The following KIF21B variants were observed in gnomAD, a reference collection of about 807,000 sequenced individuals.
The protein encoded by KIF21B is kinesin-like protein KIF21B.
In KIF21B, 85 loss-of-function variants were observed where a neutral mutation model predicts 192.9. The ratio of observed to expected loss-of-function variants is 0.44; its 90% CI spans 0.37 to 0.53. KIF21B has a LOEUF of 0.53. KIF21B is among the 20% of genes least tolerant of loss of function. The probability of loss-of-function intolerance (pLI) is 0.00; values close to 1 mark genes in which losing one functional copy is unlikely to be tolerated. For missense variants in KIF21B, 1,716 were observed against 2,194.8 expected, an observed-to-expected ratio of 0.78 and a Z score of 4.36; for synonymous variants, 832 against 884.6, an observed-to-expected ratio of 0.94 and a Z score of 1.05.
chr1:200,992,276 C>T lies in KIF21B; in HGVS notation c.2385+6G>A. ...GCTCCTGGGAGGCTCAAGGGCCACCCCTCACCTCCTGTCGCCGCTGCTCCT... is the reference window on the plus strand; with the variant it reads ...GCTCCTGGGAGGCTCAAGGGCCACCTCTCACCTCCTGTCGCCGCTGCTCCT... On this transcript the variant is annotated splice_donor_region_variant and intron_variant, in intron 16 of 34. Transcript: ENST00000461742. 1 of 1,610,448 alleles carries T rather than the reference C, an allele frequency of 6.2e-7. No individual in the cohort carries two copies. The highest frequency in any genetic ancestry group is 1.3e-5 in the African/African-American group (1 of 75,062).
chr1:201,008,715 T>C (rs1001843542), intron 3 of KIF21B, 54 bp downstream of exon 3: 4 of 1,487,164 alleles, frequency 2.7e-6, no homozygotes, highest in Non-Finnish European at 3.6e-6. Flanking sequence ...CCGGCTTCCA[T>C]GGTCCTGTTG....
At position 201,009,301 on chromosome 1, in the gene KIF21B, C is replaced by T. The variant is rs371235927; in HGVS notation, c.229G>A (p.Glu77Lys). ...CVSKLIEGCF[E>K]GYNATVLAYG... ...GCCAGCACCGTGGCATTATAGCCCT[C>T]GAAGCAGCCCTCGATGAGCTTGCTC... The change falls in exon 2 of 35, where the codon GAG becomes AAG. Residue 77 changes from glutamate to lysine, a missense_variant. Coordinates refer to ENST00000461742, the MANE Select transcript of KIF21B (RefSeq NM_001252102.2). 25 of 1,614,264 alleles carry T rather than the reference C, an allele frequency of 1.5e-5. No homozygotes were observed. Among genetic ancestry groups the T allele is most frequent in the Middle Eastern group, 1.6e-4 (1 of 6,062 alleles).
At position 200,975,760 on chromosome 1, in the gene KIF21B, G is replaced by A; in HGVS notation, c.4444-91C>T. ...GTGGACCCAGAGGCCTGAAGACCCA[G>A]GAGTCTGGCTAGGGTGACAGCCACT... is the stretch of plus-strand genomic sequence containing the variant. On this transcript the variant is annotated intron_variant, in intron 32 of 34. Coordinates refer to ENST00000461742, the MANE Select transcript of KIF21B (RefSeq NM_001252102.2). The surrounding 1 kb of genome is among the most constrained non-coding windows in gnomAD (Gnocchi z 4.3). 7.5e-7 allele frequency: 1 copy of A among 1,332,178 alleles called. No homozygotes were observed. Among genetic ancestry groups the A allele is most frequent in the Non-Finnish European group, 1.0e-6 (1 of 991,000 alleles). 82.5% of individuals were successfully genotyped at this position (1,332,178 alleles called of 1,614,324 possible).
chr1:201,003,526 G>T, intron 8 of KIF21B, 60 bp downstream of exon 8: 1 of 1,546,198 alleles, frequency 6.5e-7, no homozygotes, highest in South Asian at 1.1e-5. Flanking sequence ...CAGGGCAGAG[G>T]GTGCATATGG....
chr1:200,969,614 TGGGCA>T lies in KIF21B; in HGVS notation c.*3902_*3906del, dbSNP rs1557989061. On this transcript the variant is annotated 3_prime_UTR_variant, in exon 35 of 35. Coordinates refer to ENST00000461742, the MANE Select transcript of KIF21B (RefSeq NM_001252102.2). ...GACATGATTGCTAGAAAAGAGTTGG[TGGGCA>T]GGGCAGGGCCCTGATTCATCTCAGG... 1.3e-5 allele frequency: 2 copies of T among 152,626 alleles called. No homozygotes were observed. Among genetic ancestry groups the T allele is most frequent in the African/African-American group, 2.4e-5 (1 of 41,428 alleles). 9.5% of individuals were successfully genotyped at this position (152,626 alleles called of 1,614,324 possible). A position where few individuals can be genotyped will look rare whatever the true frequency, so the allele number is the denominator to read the frequency against.
rs371828904 is a variant in KIF21B, at chr1:201,000,348, C to T, written c.1685+42G>A. 1.2e-5 allele frequency: 18 copies of T among 1,510,540 alleles called. No homozygotes were observed. The highest frequency in any genetic ancestry group is 6.8e-5 in the East Asian group (3 of 44,244). The allele number at this position is 1,510,540 out of a possible 1,614,324, so 93.6% of individuals were successfully genotyped here. A position where few individuals can be genotyped will look rare whatever the true frequency, so the allele number is the denominator to read the frequency against. ...TGGGGACGGGCAGGGTCCACTGGGG[C>T]GGTCTGAGGGCTCTCAGGGGCGGGG... On this transcript the variant is annotated intron_variant, in intron 11 of 34. Transcript: ENST00000461742. The surrounding 1 kb of genome is among the most constrained non-coding windows in gnomAD (Gnocchi z 6.0).
intron 3 of KIF21B, 135 bp from the exon 4 acceptor site, chr1:201,005,829 A>G (rs1264401234): frequency 4.4e-6 from 4 of 910,030 alleles, no homozygotes; most frequent in Non-Finnish European, 6.7e-6. Context: ...TTTGAATCCC[A>G]TGACCTTTCT....
Position 200,975,692 on chromosome 1 carries a change from G to A in KIF21B, c.4444-23C>T. 6.3e-7 allele frequency: 1 copy of A among 1,591,440 alleles called. No individual in the cohort carries two copies. Among genetic ancestry groups the A allele is most frequent in the Non-Finnish European group, 8.6e-7 (1 of 1,166,276 alleles). The stretch of plus-strand genomic sequence containing the variant: ...CATCTGTGGGAGGAGGGGCCAGTAG[G>A]GAGAGGCCAAGTGGGAGGATGGAAG... On this transcript the variant is annotated intron_variant, in intron 32 of 34. Coordinates refer to ENST00000461742, the MANE Select transcript of KIF21B (RefSeq NM_001252102.2). This position sits in a 1 kb window ranked among gnomAD's most constrained non-coding sequence, Gnocchi z 4.3.
In KIF21B at chr1:200,998,172, A is replaced by G. The variant is rs573102485; in HGVS notation, c.2077+212T>C. On this transcript the variant is annotated intron_variant, in intron 14 of 34. Coordinates refer to ENST00000461742, the MANE Select transcript of KIF21B (RefSeq NM_001252102.2). This position sits in a 1 kb window ranked among gnomAD's most constrained non-coding sequence, Gnocchi z 4.3. Reference sequence around the variant, plus strand: ...GAATTCTAATACATGACGTGATAGCAAAGAAAAAAAATCAATTTACAATGT... The same window carrying G: ...GAATTCTAATACATGACGTGATAGCGAAGAAAAAAAATCAATTTACAATGT... Among the ~76,000 whole-genome samples, 1 of 152,238 alleles carries G rather than the reference A, an allele frequency of 6.6e-6. No individual in the cohort carries two copies. Among genetic ancestry groups the G allele is most frequent in the Admixed American group, 6.5e-5 (1 of 15,286 alleles).
chr1:200,989,851 G>T, intron 21 of KIF21B, 91 bp downstream of exon 21: 1 of 973,708 alleles, frequency 1.0e-6, no homozygotes, highest in East Asian at 2.5e-5. Flanking sequence ...CGCAGGTGAG[G>T]AGGCGCCAGG....
chr1:200,983,399 G>A (rs567434988), intron 27 of KIF21B, among the ~76,000 whole-genome samples: 1 of 152,218 alleles, frequency 6.6e-6, no homozygotes, highest in Admixed American at 6.5e-5. Flanking sequence ...CGTTTCCAGG[G>A]CTGTTTGCTG....
At position 201,009,483 on chromosome 1, in the gene KIF21B, C is replaced by T. The variant is rs1481800612; in HGVS notation, c.47G>A (p.Arg16Gln). The T allele has an allele frequency of 6.2e-7, 1 of 1,613,684 alleles. No individual in the cohort carries two copies. Among genetic ancestry groups the T allele is most frequent in the Non-Finnish European group, 8.5e-7 (1 of 1,179,820 alleles). ...DCCVKVAVRI[R>Q]PQLSKEKIEG... ...AATCTTCTCCTTCGACAGCTGGGGC[C>T]GGATCCTGCCCATGATGGAGAGAGC... The change falls in exon 2 of 35, where the codon CGG (arginine) becomes CAG (glutamine). Residue 16 changes from arginine (R) to glutamine (Q), a missense_variant. Arg to Gln is a conservative substitution (Grantham distance 43). Around this residue, in one of 3 missense-constraint regions of KIF21B, gnomAD observed 1,087 missense variants for 1,316.6 expected, o/e 0.83. Transcript: ENST00000461742.
intron 24 of KIF21B, 72 bp from the exon 25 acceptor site, chr1:200,987,273 T>A: frequency 7.0e-7 from 1 of 1,419,902 alleles, no homozygotes; most frequent in South Asian, 1.3e-5. Flanking sequence ...CAGGGGAAAT[T>A]CTATTTTTTT....
rs750120496 is a variant in KIF21B, at chr1:200,971,570, A to C, written c.*1951T>G. ...TTCAGGTTGGCGGGGAGGAGTGGGA[A>C]GAGATTTGTGGCCACATCTTAGAGC... On this transcript the variant is annotated 3_prime_UTR_variant, in exon 35 of 35. Transcript: ENST00000461742. The C allele has an allele frequency of 2.0e-5, 3 of 152,362 alleles. No individual in the cohort carries two copies. Among genetic ancestry groups the C allele is most frequent in the Non-Finnish European group, 2.9e-5 (2 of 68,054 alleles). The allele number at this position is 152,362 out of a possible 1,614,324, so 9.4% of individuals were successfully genotyped here. A position where few individuals can be genotyped will look rare whatever the true frequency, so the allele number is the denominator to read the frequency against.
intron 26 of KIF21B, among the ~76,000 whole-genome samples, chr1:200,985,831 C>CT (rs760489373): frequency 6.7e-4 from 71 of 106,434 alleles, no homozygotes; most frequent in South Asian, 1.4e-3. Flanking sequence ...CTTCCCTTCC[C>CT]TTTTTTTTTT....
Position 200,988,496 on chromosome 1 carries a change from C to T in KIF21B, c.3347G>A (p.Gly1116Asp), listed in dbSNP as rs1441334053. ...TDEEISEFSE[G>D]SFSQSFTMKG... ...CACTCCCAGCTTGCAAACTCACCTG[C>T]CCTCAGAGAACTCTGAGATCTCCTC... The change falls in exon 23 of 35, where the codon GGC (glycine) becomes GAC (aspartate). Residue 1116 changes from glycine to aspartate, a missense_variant. By Grantham distance (94) the Gly-to-Asp change is moderately conservative (BLOSUM62 -1). Around this residue, in one of 3 missense-constraint regions of KIF21B, gnomAD observed 580 missense variants for 775.5 expected, o/e 0.75. Coordinates refer to ENST00000461742, the MANE Select transcript of KIF21B (RefSeq NM_001252102.2). 6 of 1,609,154 alleles carry T rather than the reference C, an allele frequency of 3.7e-6. No individual in the cohort carries two copies. The highest frequency in any genetic ancestry group is 1.3e-5 in the African/African-American group (1 of 74,804).
In KIF21B at chr1:201,000,426, C is replaced by A. The variant is rs767724966; in HGVS notation, c.1649G>T (p.Arg550Leu). 6 of 1,564,028 alleles carry A rather than the reference C, an allele frequency of 3.8e-6. No individual in the cohort carries two copies. In the Admixed American group the frequency reaches 8.3e-5, roughly 22 times the overall value. The change falls in exon 11 of 35, where the codon CGG (arginine) becomes CTG (leucine). Residue 550 changes from arginine to leucine, a missense_variant. Around this residue, in one of 3 missense-constraint regions of KIF21B, gnomAD observed 1,087 missense variants for 1,316.6 expected, o/e 0.83. Coordinates refer to ENST00000461742, the MANE Select transcript of KIF21B (RefSeq NM_001252102.2). The surrounding 1 kb of genome is among the most constrained non-coding windows in gnomAD (Gnocchi z 6.0). ...VIRRAKQDLE[R>L]LKKKEVRQRR... Reference sequence around the variant, plus strand: ...CTGCCTGACCTCCTTCTTCTTTAGCCGCTCCAGGTCCTGCTTGGCCCTGCG... The same window carrying A: ...CTGCCTGACCTCCTTCTTCTTTAGCAGCTCCAGGTCCTGCTTGGCCCTGCG...
At position 200,983,169 on chromosome 1, in the gene KIF21B, G is replaced by A. The variant is rs892006907; in HGVS notation, c.3804-75C>T. On this transcript the variant is annotated intron_variant, in intron 27 of 34. Transcript: ENST00000461742. ...ACAGAGGGACGCAGAGGCGGCAGCA[G>A]TGTGTGGGGTGGTCAGAGGGCAGGT... 2.0e-4 allele frequency: 265 copies of A among 1,296,246 alleles called. 1 individual carries two copies. The highest frequency in any genetic ancestry group is 1.5e-3 in the Middle Eastern group (7 of 4,690). The allele number at this position is 1,296,246 out of a possible 1,614,324, so 80.3% of individuals were successfully genotyped here.
Position 201,000,586 on chromosome 1 carries a change from C to T in KIF21B, c.1489G>A (p.Ala497Thr). The T allele has an allele frequency of 1.2e-6, 2 of 1,613,390 alleles. No individual in the cohort carries two copies. The highest frequency in any genetic ancestry group is 1.7e-6 in the Non-Finnish European group (2 of 1,179,918). Residue 497 changes from alanine (A) to threonine (T), a missense_variant, in exon 11 of 35, where the codon GCC becomes ACC. Physicochemically the swap from Ala to Thr is moderately conservative, Grantham distance 58 (BLOSUM62 0). Transcript: ENST00000461742. The surrounding 1 kb of genome is among the most constrained non-coding windows in gnomAD (Gnocchi z 6.0). ...ELRTKLLESEAMNESLRRSLS... is the reference protein window; with the variant it reads ...ELRTKLLESETMNESLRRSLS... ...CTGCGGCGCAGGGACTCGTTCATGG[C>T]TTCACTCTCTAGAAGCTTAGTCCTG...
Sources: gnomAD v4.1 joint callset for allele counts (sites outside exome capture counted in the v4.1 genomes callset) on GRCh38, gnomAD v4.1.1 for gene constraint, gnomAD v4.1.1 regional missense constraint, Gnocchi (gnomAD v3.1) non-coding constraint, MANE v1.5 for transcripts, NCBI Gene and HGNC (gene_info 2026-07-23, HGNC 2026-07-21) for gene names.